The following KRT76 variants were observed in gnomAD, a reference collection of about 807,000 sequenced individuals.
The protein encoded by KRT76 is keratin, type II cytoskeletal 2 oral.
In KRT76, 47 loss-of-function variants were observed where a neutral mutation model predicts 44.9. That is an observed-to-expected ratio of 1.05 (90% CI 0.83 to 1.33). The LOEUF (loss-of-function observed/expected upper bound fraction) is 1.33, where lower values mean the gene tolerates loss of function less well. Among genes scored for constraint, KRT76 ranks in the 40% most tolerant of loss-of-function variants. The pLI is 0.00. For synonymous variants in KRT76, 331 were observed against 294.1 expected (o/e 1.13, Z -1.28); for missense variants, 860 against 775.8 (o/e 1.11, Z -1.29).
chr12:52,773,883 G>A (rs982557422), intron 2 of KRT76, among the ~76,000 whole-genome samples: 2 of 150,452 alleles, frequency 1.3e-5, no homozygotes, highest in African/African-American at 2.5e-5. Flanking sequence ...CTAGGCTGGA[G>A]TGCAGTGGCA....
At chr12:52,769,236 A>C in intron 8 of KRT76, 126 bp from the exon 9 acceptor site, 1 of 612,074 alleles carries the variant, frequency 1.6e-6, no homozygotes, top group South Asian at 2.0e-5. Context: ...CTAATGCCTC[A>C]GTTTGCAAAC....
At chr12:52,770,657 A>G (rs1404154634) in intron 7 of KRT76, among the ~76,000 whole-genome samples, 2 of 152,194 alleles carry the variant, frequency 1.3e-5, no homozygotes, top group Non-Finnish European at 2.9e-5. Context: ...TGGCTACTGT[A>G]TTGGACAGCA....
chr12:52,768,868 C>T lies in KRT76; in HGVS notation c.1762G>A (p.Ala588Thr), dbSNP rs765922846. Residue 588 changes from alanine (A) to threonine (T), a missense_variant, in exon 9 of 9, where the codon GCA (alanine) becomes ACA (threonine). Ala to Thr is a moderately conservative substitution (Grantham distance 58). Coordinates refer to ENST00000332411, the MANE Select transcript of KRT76 (RefSeq NM_015848.4). ...CTGTGGCTCACGGAGATGCTACCTG[C>T]ACCGCCGAGCCTGCTCCCACTACTG... Reference protein sequence around the residue: ...SSSSGSRLGGAGSISVSHSGM... With the variant: ...SSSSGSRLGGTGSISVSHSGM... 1.2e-6 allele frequency: 2 copies of T among 1,612,848 alleles called. No homozygotes were observed. Among genetic ancestry groups the T allele is most frequent in the Non-Finnish European group, 1.7e-6 (2 of 1,179,724 alleles).
At chr12:52,771,353 AAAG>A (rs1489185504) in intron 6 of KRT76, 134 bp from the exon 7 acceptor site, 7 of 872,516 alleles carry the variant, frequency 8.0e-6, no homozygotes, top group Middle Eastern at 3.4e-4. Context: ...TGCTCAGAGA[AAAG>A]AAGTCAGTTT....
At position 52,775,549 on chromosome 12, in the gene KRT76, G is replaced by C. The variant is rs1217896935; in HGVS notation, c.654C>G (p.Leu218=). 32 of 1,613,990 alleles carry C rather than the reference G, an allele frequency of 2.0e-5. No individual in the cohort carries two copies. Among genetic ancestry groups the C allele is most frequent in the Non-Finnish European group, 2.6e-5 (31 of 1,180,034 alleles). ...GCCCTGAGCCTGTGGTCTGCTGCTG[G>C]AGCAGTTCCCACTTGGTCTCCAGGA... ...NKVLETKWEL[L]QQQTTGSGPS... Residue 218 remains leucine (L), a synonymous_variant, in exon 2 of 9, where the codon CTC becomes CTG. Coordinates refer to ENST00000332411, the MANE Select transcript of KRT76 (RefSeq NM_015848.4).
intron 7 of KRT76, among the ~76,000 whole-genome samples, chr12:52,769,804 T>C (rs1332333305): frequency 6.6e-6 from 1 of 152,184 alleles, no homozygotes; most frequent in Non-Finnish European, 1.5e-5. Context: ...CCTTAGCCCT[T>C]AGAGATTATC....
At position 52,768,536 on chromosome 12, in the gene KRT76, T is replaced by G. The variant is rs1237563089; in HGVS notation, c.*177A>C. On this transcript the variant is annotated 3_prime_UTR_variant, in exon 9 of 9. Transcript: ENST00000332411. ...ATCATCCCAGACCAGCAGCAGGACC[T>G]CCATGGCCCTGGGAAGGTCATGGGG... 1 of 666,866 alleles carries G rather than the reference T, an allele frequency of 1.5e-6. No homozygotes were observed. Among genetic ancestry groups the G allele is most frequent in the Admixed American group, 2.6e-5 (1 of 37,840 alleles). The allele number at this position is 666,866 out of a possible 1,614,324, so 41.3% of individuals were successfully genotyped here. A position where few individuals can be genotyped will look rare whatever the true frequency, so the allele number is the denominator to read the frequency against.
chr12:52,776,907 C>A lies in KRT76; in HGVS notation c.385G>T (p.Gly129Cys), dbSNP rs368252592. The A allele has an allele frequency of 6.2e-6, 10 of 1,612,574 alleles. No individual in the cohort carries two copies. The highest frequency in any genetic ancestry group is 4.5e-5 in the East Asian group (2 of 44,842). ...GGCCCACCAAATACACCAGGACCAC[C>A]AAAGCCACCAGCTCCACCAAAGCCA... ...AGGFGGAGGFGGPGVFGGPGS... is the reference protein window; with the variant it reads ...AGGFGGAGGFCGPGVFGGPGS... The change falls in exon 1 of 9, where the codon GGT (glycine) becomes TGT (cysteine). Residue 129 changes from glycine to cysteine, a missense_variant. Physicochemically the swap from Gly to Cys is radical, Grantham distance 159. Transcript: ENST00000332411.
At chr12:52,772,908 G>A (rs371533850) in intron 3 of KRT76, 30 bp from the exon 4 acceptor site, 22 of 1,530,876 alleles carry the variant, frequency 1.4e-5, no homozygotes, top group South Asian at 2.2e-5. Context: ...CCCAGAGAAT[G>A]ACCCTCTGTT....
intron 1 of KRT76, among the ~76,000 whole-genome samples, chr12:52,775,901 T>C (rs1939254528): frequency 6.6e-6 from 1 of 152,096 alleles, no homozygotes; most frequent in Non-Finnish European, 1.5e-5. Flanking sequence ...AGTTTAAGTT[T>C]CCCAAAGTGA....
intron 7 of KRT76, among the ~76,000 whole-genome samples, 174 bp from the exon 8 acceptor site, chr12:52,769,757 G>A (rs960164754): frequency 1.3e-5 from 2 of 152,124 alleles, no homozygotes; most frequent in African/African-American, 2.4e-5. Flanking sequence ...CCAGAAAAGG[G>A]GGCTGCTTCA....
At chr12:52,771,402 C>A (rs1367441571) in intron 6 of KRT76, among the ~76,000 whole-genome samples, 183 bp from the exon 7 acceptor site, 1 of 152,186 alleles carries the variant, frequency 6.6e-6, no homozygotes, top group Non-Finnish European at 1.5e-5. Context: ...CCATTGAAAT[C>A]AACTTGCGGC....
rs1482966527 is a variant in KRT76, at chr12:52,775,450, C to T, written c.753G>A (p.Glu251=). Residue 251 remains glutamate, a synonymous_variant, in exon 2 of 9, where the codon GAG becomes GAA. Coordinates refer to ENST00000332411, the MANE Select transcript of KRT76 (RefSeq NM_015848.4). The part of the protein sequence containing the change: ...LCKQLDSLLG[E]RGNLEGELKS... ...TCAGCTCTCCCTCCAGGTTCCCCCT[C>T]TCCCCTAGAAGTGAATCTAGCTGCT... The T allele has an allele frequency of 3.7e-6, 6 of 1,614,088 alleles. No individual in the cohort carries two copies. The highest frequency in any genetic ancestry group is 1.3e-5 in the African/African-American group (1 of 74,944).
At chr12:52,775,287 A>G (rs57024267) in intron 2 of KRT76, 101 bp downstream of exon 2, 143,494 of 1,011,504 alleles carry the variant, frequency 0.14, 12,326 homozygotes, top group African/African-American at 0.31. Flanking sequence ...ATCCCAGAGT[A>G]TTGACTGAAG....
intron 8 of KRT76, 114 bp downstream of exon 8, chr12:52,769,435 T>C (rs1592292502): frequency 2.3e-6 from 2 of 862,568 alleles, no homozygotes; most frequent in East Asian, 2.4e-5. Flanking sequence ...CGCTGTCAGG[T>C]GGCCTGACTT....
rs1438855319 is a variant in KRT76 at position 52,769,071 on chromosome 12, C to G, written c.1559G>C (p.Gly520Ala). The change falls in exon 9 of 9, where the codon GGC (glycine) becomes GCC (alanine). Residue 520 changes from glycine (G) to alanine (A), a missense_variant. Coordinates refer to ENST00000332411, the MANE Select transcript of KRT76 (RefSeq NM_015848.4). ...SNVTSTSGSS[G>A]SSRGVFGGVS... ...CCCTCCAAAAACTCCACGGCTACTG[C>G]CAGAGCTGCCACTTGTGCTGGTGAC... 1.4e-6 allele frequency: 1 copy of G among 719,806 alleles called. No individual in the cohort carries two copies. The highest frequency in any genetic ancestry group is 1.5e-5 in the South Asian group (1 of 67,464). The allele number at this position is 719,806 out of a possible 1,614,324, so 44.6% of individuals were successfully genotyped here.
At chr12:52,769,873 C>T (rs559533310) in intron 7 of KRT76, among the ~76,000 whole-genome samples, 2 of 152,348 alleles carry the variant, frequency 1.3e-5, no homozygotes, top group South Asian at 4.1e-4. Flanking sequence ...CCCCACTTCT[C>T]ATCCCCTGCT....
At position 52,771,815 on chromosome 12, in the gene KRT76, G is replaced by T; in HGVS notation, c.1263+56C>A. Reference sequence around the variant, plus strand: ...GTAGCAGAGGAGCAGAGCTTATGCTGCTTCTCTCCGGGGCCCAGAAGACCT... The same window carrying T: ...GTAGCAGAGGAGCAGAGCTTATGCTTCTTCTCTCCGGGGCCCAGAAGACCT... On this transcript the variant is annotated intron_variant, in intron 6 of 8. Transcript: ENST00000332411. 4.4e-6 allele frequency: 7 copies of T among 1,576,380 alleles called. No homozygotes were observed. The South Asian group carries it at 7.0e-5, about 16-fold the overall frequency.
Position 52,777,293 on chromosome 12 carries a change from G to A in KRT76, c.-2C>T. 2 of 1,614,084 alleles carry A rather than the reference G, an allele frequency of 1.2e-6. No homozygotes were observed. Among genetic ancestry groups the A allele is most frequent in the Non-Finnish European group, 1.7e-6 (2 of 1,179,980 alleles). ...TTTCTTGCAAACTTGTCTGTTCATA[G>A]TGAGAGAGCTTGGAGGCAAGCTAGT... On this transcript the variant is annotated 5_prime_UTR_variant, in exon 1 of 9. Coordinates refer to ENST00000332411, the MANE Select transcript of KRT76 (RefSeq NM_015848.4).
Sources: allele counts gnomAD v4.1 joint callset (sites outside exome capture counted in the v4.1 genomes callset), GRCh38; gene constraint gnomAD v4.1.1; transcripts MANE v1.5; gene names NCBI Gene and HGNC (gene_info 2026-07-23, HGNC 2026-07-21).